Variants in NCAM1 observed in about 807,000 individuals in gnomAD.
The protein encoded by NCAM1 is antigen recognized by monoclonal antibody 5.1H11.
A neutral mutation model predicts 109.8 loss-of-function variants in NCAM1; 14 were observed. The observed-to-expected ratio is 0.13, with a 90% CI of 0.08 to 0.20. The LOEUF (loss-of-function observed/expected upper bound fraction) is 0.20, where lower values mean the gene tolerates loss of function less well. Ranked by LOEUF, NCAM1 falls within the 10% of genes least tolerant of loss-of-function variation. The probability of loss-of-function intolerance (pLI) is 1.00; values close to 1 mark genes in which losing one functional copy is unlikely to be tolerated. For missense variants in NCAM1, 774 were observed against 1,109.9 expected, an observed-to-expected ratio of 0.70 and a Z score of 4.30; for synonymous variants, 418 against 442.9, an observed-to-expected ratio of 0.94 and a Z score of 0.70.
chr11:113,198,669 C>T (rs1943932990), intron 1 of NCAM1, among the ~76,000 whole-genome samples: 1 of 152,142 alleles, frequency 6.6e-6, no homozygotes, highest in South Asian at 2.1e-4. Context: ...AAAGACTGTG[C>T]TCTTTCTAGC....
At chr11:113,024,320 T>G (rs1166698749) in intron 1 of NCAM1, among the ~76,000 whole-genome samples, 1 of 152,216 alleles carries the variant, frequency 6.6e-6, no homozygotes, top group Non-Finnish European at 1.5e-5. Flanking sequence ...CAGGCAAACT[T>G]CCATTCCATA....
chr11:113,232,413 T>G, intron 11 of NCAM1, 59 bp downstream of exon 11: 1 of 1,499,276 alleles, frequency 6.7e-7, no homozygotes, highest in Non-Finnish European at 9.0e-7. Context: ...CTAGGTGGGC[T>G]CCAAAATGCA....
At chr11:113,105,477 C>T (rs782513850) in intron 1 of NCAM1, among the ~76,000 whole-genome samples, 3 of 152,112 alleles carry the variant, frequency 2.0e-5, no homozygotes, top group Non-Finnish European at 2.9e-5. Context: ...TTCATAGCAG[C>T]GTTACTCACA....
rs149692122 is a variant in NCAM1 at position 113,139,779 on chromosome 11, G to C, written c.53-62600G>C. On this transcript the variant is annotated intron_variant, in intron 1 of 19. Coordinates refer to ENST00000316851, the MANE Select transcript of NCAM1 (RefSeq NM_181351.5). ...AGCAAAAAAAAAAGTCATCAGAAAG[G>C]AGAAAAAAGATTTAAAAGAAAATCC... 3.9e-3 allele frequency among the ~76,000 whole-genome samples: 597 copies of C among 152,012 alleles called. 5 individuals carry two copies. Among genetic ancestry groups the C allele is most frequent in the African/African-American group, 0.013 (546 of 41,478 alleles).
At chr11:113,084,658 G>C (rs1938997402) in intron 1 of NCAM1, among the ~76,000 whole-genome samples, 1 of 152,164 alleles carries the variant, frequency 6.6e-6, no homozygotes, top group South Asian at 2.1e-4. Flanking sequence ...GTGCTCCTCT[G>C]CTGCACACTT....
At chr11:113,172,015 G>A (rs1363917234) in intron 1 of NCAM1, among the ~76,000 whole-genome samples, 2 of 152,176 alleles carry the variant, frequency 1.3e-5, no homozygotes, top group Non-Finnish European at 2.9e-5. Flanking sequence ...GAAACTAGAA[G>A]AGAAGCCTGG....
In NCAM1 at chr11:112,968,784, A is replaced by G. The variant is rs192728558; in HGVS notation, c.52+7120A>G. 1.2e-3 allele frequency among the ~76,000 whole-genome samples: 182 copies of G among 152,294 alleles called. 1 individual carries two copies. Among genetic ancestry groups the G allele is most frequent in the Middle Eastern group, 3.4e-3 (1 of 294 alleles). Reference sequence around the variant, plus strand: ...AAGATGTAACATTTAAACAACTGTGAAATAGGAAGAACAGATGGTATTCTC... The same window carrying G: ...AAGATGTAACATTTAAACAACTGTGGAATAGGAAGAACAGATGGTATTCTC... On this transcript the variant is annotated intron_variant, in intron 1 of 19. Transcript: ENST00000316851.
At chr11:113,229,630 A>G (rs1314467074) in intron 9 of NCAM1, among the ~76,000 whole-genome samples, 1 of 152,246 alleles carries the variant, frequency 6.6e-6, no homozygotes, top group Admixed American at 6.5e-5. Flanking sequence ...AGACACATGC[A>G]CACGTATGTT....
At chr11:113,251,873 G>A (rs1555121392) in intron 15 of NCAM1, among the ~76,000 whole-genome samples, 2 of 152,332 alleles carry the variant, frequency 1.3e-5, no homozygotes, top group African/African-American at 2.4e-5. Flanking sequence ...TCAGCCTCCT[G>A]AATGGCAAGG....
At chr11:113,161,128 A>G (rs1192434320) in intron 1 of NCAM1, among the ~76,000 whole-genome samples, 1 of 152,132 alleles carries the variant, frequency 6.6e-6, no homozygotes, top group Non-Finnish European at 1.5e-5. Flanking sequence ...TCCGTTTTAG[A>G]AAAAAATTGA....
Position 113,095,368 on chromosome 11 carries a change from C to T in NCAM1, c.53-107011C>T, listed in dbSNP as rs565507215. The stretch of plus-strand genomic sequence containing the variant: ...CTTATCTAACTCATAGACTGAGCAT[C>T]TAAGATGAGTTTACCCAGCTTTCAG... On this transcript the variant is annotated intron_variant, in intron 1 of 19. Coordinates refer to ENST00000316851, the MANE Select transcript of NCAM1 (RefSeq NM_181351.5). 3.2e-4 allele frequency among the ~76,000 whole-genome samples: 48 copies of T among 150,830 alleles called. No homozygotes were observed. In the South Asian group the frequency reaches 8.3e-3, roughly 26 times the overall value.
chr11:113,260,086 G>T (rs556892285), intron 16 of NCAM1, 60 bp from the exon 17 acceptor site: 25 of 1,495,752 alleles, frequency 1.7e-5, no homozygotes, highest in South Asian at 2.7e-5. Context: ...GGTCTTACCA[G>T]TACTTTTATC....
At chr11:113,202,312 G>A (rs374137359) in intron 1 of NCAM1, 67 bp from the exon 2 acceptor site, 33 of 1,449,108 alleles carry the variant, frequency 2.3e-5, no homozygotes, top group South Asian at 3.9e-5. Flanking sequence ...TGGAATGTAC[G>A]TTTGAACTGA....
chr11:113,026,209 G>T (rs950607245), intron 1 of NCAM1, among the ~76,000 whole-genome samples: 20 of 152,300 alleles, frequency 1.3e-4, no homozygotes, highest in Non-Finnish European at 2.8e-4. Flanking sequence ...AAAGCCAAAA[G>T]ATTAAACCAG....
At chr11:113,124,662 C>T (rs1941106075) in intron 1 of NCAM1, among the ~76,000 whole-genome samples, 1 of 152,154 alleles carries the variant, frequency 6.6e-6, no homozygotes. Flanking sequence ...GAAGGGCTTT[C>T]CTTGGATTAT....
chr11:113,005,522 A>G (rs1450459987), intron 1 of NCAM1, among the ~76,000 whole-genome samples: 2 of 152,148 alleles, frequency 1.3e-5, no homozygotes, highest in Non-Finnish European at 2.9e-5. Flanking sequence ...GAGAGGTCTC[A>G]TCATTCAGCT....
chr11:113,236,382 A>G, intron 14 of NCAM1: 1 of 1,561,816 alleles, frequency 6.4e-7, no homozygotes, highest in South Asian at 1.1e-5. Flanking sequence ...CTAGTTCGTA[A>G]TTTAGTTCTG....
intron 1 of NCAM1, among the ~76,000 whole-genome samples, chr11:113,158,818 A>G (rs1457117781): frequency 6.6e-6 from 1 of 152,188 alleles, no homozygotes; most frequent in Non-Finnish European, 1.5e-5. Flanking sequence ...TTATTGGGTT[A>G]AGTAGGGTTG....
At chr11:113,178,435 C>T (rs182746462) in intron 1 of NCAM1, among the ~76,000 whole-genome samples, 423 of 152,328 alleles carry the variant, frequency 2.8e-3, no homozygotes, top group Non-Finnish European at 4.4e-3. Flanking sequence ...ATGTGTATTT[C>T]ATTAGCAGAT....
Sources: gnomAD v4.1 joint callset for allele counts (sites outside exome capture counted in the v4.1 genomes callset) on GRCh38, gnomAD v4.1.1 for gene constraint, MANE v1.5 for transcripts, NCBI Gene and HGNC (gene_info 2026-07-23, HGNC 2026-07-21) for gene names.